UACA: variants seen among roughly 807,000 people sequenced by gnomAD.
The protein encoded by UACA is nuclear membrane binding protein.
A neutral mutation model predicts 160.5 loss-of-function variants in UACA; 112 were observed. That is an observed-to-expected ratio of 0.70 (90% CI 0.60 to 0.82). The LOEUF is 0.82. Ranked by LOEUF, UACA falls within the 40% of genes least tolerant of loss-of-function variation. The probability of loss-of-function intolerance (pLI) is 0.00; values close to 1 mark genes in which losing one functional copy is unlikely to be tolerated. For synonymous variants in UACA, 557 were observed against 568.4 expected (o/e 0.98, Z 0.29); for missense variants, 1,574 against 1,614.6 (o/e 0.97, Z 0.43).
At chr15:70,725,789 G>A (rs1899126493) in intron 1 of UACA, among the ~76,000 whole-genome samples, 1 of 152,136 alleles carries the variant, frequency 6.6e-6, no homozygotes, top group African/African-American at 2.4e-5. Flanking sequence ...TCTGGCACTG[G>A]CCATGCAGAA....
intron 1 of UACA, chr15:70,749,247 C>G (rs916848266): frequency 5.2e-5 from 23 of 441,792 alleles, no homozygotes; most frequent in Non-Finnish European, 9.5e-5. Context: ...GAAAACAGGG[C>G]CGGGCGCGGT....
chr15:70,742,507 T>C (rs890405547), intron 1 of UACA, among the ~76,000 whole-genome samples: 1 of 152,252 alleles, frequency 6.6e-6, no homozygotes, highest in African/African-American at 2.4e-5. Context: ...TATATGAATT[T>C]GCATGTTCCC....
At chr15:70,674,828 C>T (rs921522423) in intron 13 of UACA, among the ~76,000 whole-genome samples, 1 of 152,308 alleles carries the variant, frequency 6.6e-6, no homozygotes, top group African/African-American at 2.4e-5. Flanking sequence ...AAACTCCTGA[C>T]CTTAAGTGAT....
chr15:70,678,084 T>C lies in UACA; in HGVS notation c.999+15A>G. 3 of 1,527,022 alleles carry C rather than the reference T, an allele frequency of 2.0e-6. No homozygotes were observed. The highest frequency in any genetic ancestry group is 2.0e-5 in the Admixed American group (1 of 50,390). The allele number at this position is 1,527,022 out of a possible 1,614,324, so 94.6% of individuals were successfully genotyped here. A position where few individuals can be genotyped will look rare whatever the true frequency, so the allele number is the denominator to read the frequency against. On this transcript the variant is annotated intron_variant, in intron 11 of 18. Coordinates refer to ENST00000322954, the MANE Select transcript of UACA (RefSeq NM_018003.4). ...AGTAAGACAGTTTATTTTTCTATTA[T>C]GCAGATTTATTTACCTCATTCAGCT...
At chr15:70,729,629 A>G (rs1303219593) in intron 1 of UACA, among the ~76,000 whole-genome samples, 1 of 135,784 alleles carries the variant, frequency 7.4e-6, no homozygotes, top group Non-Finnish European at 1.5e-5. Context: ...GAGTGGTTAA[A>G]AATTCTCAAC....
At chr15:70,686,583 C>T (rs1485786766) in intron 7 of UACA, among the ~76,000 whole-genome samples, 2 of 146,738 alleles carry the variant, frequency 1.4e-5, no homozygotes. Context: ...TGCTGGTGTG[C>T]TGCACCCATT....
intron 3 of UACA, 75 bp downstream of exon 3, chr15:70,694,942 T>C: frequency 8.7e-7 from 1 of 1,153,522 alleles, no homozygotes; most frequent in Non-Finnish European, 1.3e-6. Flanking sequence ...CATTTAGGTC[T>C]GAATAAAAAT....
chr15:70,727,842 G>C (rs756807750), intron 1 of UACA, among the ~76,000 whole-genome samples: 15 of 152,144 alleles, frequency 9.9e-5, no homozygotes, highest in Non-Finnish European at 2.1e-4. Context: ...AATGAAGAAA[G>C]AAAGAAGGGT....
intron 9 of UACA, among the ~76,000 whole-genome samples, chr15:70,680,402 A>C (rs1312572907): frequency 6.6e-6 from 1 of 152,048 alleles, no homozygotes; most frequent in Non-Finnish European, 1.5e-5. Context: ...TAAAAAAAAA[A>C]CTACTGCTTT....
At chr15:70,768,887 T>C in the UACA span, among the ~76,000 whole-genome samples, 2 of 152,316 alleles carry the variant, frequency 1.3e-5, no homozygotes, top group Middle Eastern at 3.4e-3. Context: ...GCTTGTATTT[T>C]TTCCCCTCCA....
At chr15:70,694,943 G>C (rs1419973436) in intron 3 of UACA, 74 bp downstream of exon 3, 3 of 1,171,208 alleles carry the variant, frequency 2.6e-6, no homozygotes, top group Non-Finnish European at 2.5e-6. Flanking sequence ...ATTTAGGTCT[G>C]AATAAAAATG....
chr15:70,667,238 AC>A lies in UACA; in HGVS notation c.3445del (p.Val1149Ter). 1 of 1,613,894 alleles carries A rather than the reference AC, an allele frequency of 6.2e-7. No homozygotes were observed. Among genetic ancestry groups the A allele is most frequent in the East Asian group, 2.2e-5 (1 of 44,864 alleles). On this transcript the variant is annotated frameshift_variant, in exon 16 of 19. Transcript: ENST00000322954. LOFTEE classifies it high-confidence loss of function. The part of the protein sequence containing the change: ...QRCYEKEQQT[V>X]TKLHQLLENQ... ...CTCCAACAATTGATGCAGTTTGGTCACTGTCTGCTGCTCTTTCTCGTAACAC... is the reference window on the plus strand; with the variant it reads ...CTCCAACAATTGATGCAGTTTGGTCATGTCTGCTGCTCTTTCTCGTAACAC...
At chr15:70,717,040 G>A (rs1566989237) in intron 1 of UACA, among the ~76,000 whole-genome samples, 1 of 152,166 alleles carries the variant, frequency 6.6e-6, no homozygotes, top group Non-Finnish European at 1.5e-5. Context: ...TAACCAATAT[G>A]GAGAAATCCC....
intron 1 of UACA, among the ~76,000 whole-genome samples, chr15:70,711,220 C>T (rs142340977): frequency 2.4e-4 from 37 of 152,124 alleles, no homozygotes; most frequent in African/African-American, 8.4e-4. Flanking sequence ...GTTCACTGAC[C>T]TCCTTTGCAC....
At chr15:70,705,055 GGCCAAGACTCA>G (rs1898484639) in intron 1 of UACA, among the ~76,000 whole-genome samples, 1 of 152,158 alleles carries the variant, frequency 6.6e-6, no homozygotes. Flanking sequence ...TGCTGGGATT[GGCCAAGACTCA>G]GCTATTGTTA....
intron 1 of UACA, among the ~76,000 whole-genome samples, chr15:70,757,306 A>G (rs1385187927): frequency 6.6e-6 from 1 of 152,240 alleles, no homozygotes; most frequent in Non-Finnish European, 1.5e-5. Context: ...TGGCAAGACT[A>G]TTAATAGGTG....
At chr15:70,736,447 G>T (rs893984479) in intron 1 of UACA, among the ~76,000 whole-genome samples, 4 of 151,512 alleles carry the variant, frequency 2.6e-5, no homozygotes, top group Non-Finnish European at 5.9e-5. Context: ...GCTTTTTTTG[G>T]GGGGTGGGAT....
intron 7 of UACA, among the ~76,000 whole-genome samples, chr15:70,687,225 A>T (rs1897756945): frequency 6.6e-6 from 1 of 152,214 alleles, no homozygotes; most frequent in Non-Finnish European, 1.5e-5. Flanking sequence ...CCATTTCATT[A>T]AAGAGTTTTT....
chr15:70,674,351 T>C (rs1897238414), intron 13 of UACA, among the ~76,000 whole-genome samples: 3 of 152,208 alleles, frequency 2.0e-5, no homozygotes, highest in African/African-American at 7.2e-5. Context: ...ATGTACTATA[T>C]GATCCCACCT....
Sources: allele counts gnomAD v4.1 joint callset (sites outside exome capture counted in the v4.1 genomes callset), GRCh38; gene constraint gnomAD v4.1.1; transcripts MANE v1.5; gene names NCBI Gene and HGNC (gene_info 2026-07-23, HGNC 2026-07-21).